CNBD1: variants seen among roughly 807,000 people sequenced by gnomAD.
CNBD1 encodes cyclic nucleotide binding domain containing 1, also known as cyclic nucleotide-binding domain-containing protein 1.
In CNBD1, 71 loss-of-function variants were observed where a neutral mutation model predicts 54.4. The ratio of observed to expected loss-of-function variants is 1.30; its 90% confidence interval spans 1.08 to 1.59. The LOEUF (loss-of-function observed/expected upper bound fraction) is 1.59. Among genes scored for constraint, CNBD1 ranks in the 40% most tolerant of loss-of-function variants. CNBD1 has a pLI of 0.00. For missense variants in CNBD1, 659 were observed against 518.0 expected (o/e 1.27, Z -2.64); for synonymous variants, 182 against 170.7 (o/e 1.07, Z -0.51).
intron 4 of CNBD1, among the ~76,000 whole-genome samples, chr8:87,020,596 T>C (rs1465647530): frequency 6.6e-6 from 1 of 152,140 alleles, no homozygotes; most frequent in Non-Finnish European, 1.5e-5. Flanking sequence ...TAAATTCTCA[T>C]CAGATGGGTT....
At chr8:87,332,831 G>T (rs1362277859) in intron 8 of CNBD1, among the ~76,000 whole-genome samples, 1 of 152,076 alleles carries the variant, frequency 6.6e-6, no homozygotes, top group African/African-American at 2.4e-5. Context: ...TGTTCTTTTT[G>T]CTTAGGATTG....
intron 3 of CNBD1, among the ~76,000 whole-genome samples, chr8:86,923,914 G>A (rs1809316951): frequency 6.6e-6 from 1 of 152,156 alleles, no homozygotes; most frequent in African/African-American, 2.4e-5. Context: ...CCATGGGACT[G>A]TATCAAGACC....
At position 86,949,947 on chromosome 8, in the gene CNBD1, C is replaced by CTT. The variant is rs770744308; in HGVS notation, c.431+10219_431+10220dup. Reference sequence around the variant, plus strand: ...AAGAGATGTTATACTTCATCAAATGCTTTTTTTTTTTTTTTTTTTTTTTTT... The same window carrying CTT: ...AAGAGATGTTATACTTCATCAAATGCTTTTTTTTTTTTTTTTTTTTTTTTTTT... On this transcript the variant is annotated intron_variant, in intron 4 of 10. Coordinates refer to ENST00000518476, the MANE Select transcript of CNBD1 (RefSeq NM_173538.3). Among the ~76,000 whole-genome samples the CTT allele has an allele frequency of 1.5e-3, 24 of 15,702 alleles. 10 individuals carry two copies. The highest frequency in any genetic ancestry group is 5.5e-3 in the East Asian group (2 of 362). 10.3% of individuals were successfully genotyped at this position (15,702 alleles called of 152,430 possible).
chr8:87,363,256 T>G (rs1344779054), intron 10 of CNBD1, among the ~76,000 whole-genome samples: 1 of 151,784 alleles, frequency 6.6e-6, no homozygotes, highest in African/African-American at 2.4e-5. Flanking sequence ...GTCTATCAAT[T>G]GGGTTGGTTC....
intron 6 of CNBD1, among the ~76,000 whole-genome samples, chr8:87,241,515 A>G (rs572380520): frequency 1.4e-3 from 213 of 151,750 alleles, no homozygotes; most frequent in Non-Finnish European, 2.5e-3. Flanking sequence ...CTCGTGATCC[A>G]CCCGCCTCGG....
intron 10 of CNBD1, among the ~76,000 whole-genome samples, chr8:87,356,573 T>G (rs75451450): frequency 0.024 from 3,678 of 152,082 alleles, 152 homozygotes; most frequent in African/African-American, 0.081. Context: ...CATTCAAGAA[T>G]TAGTGTGGGT....
intron 5 of CNBD1, among the ~76,000 whole-genome samples, chr8:87,234,529 A>G (rs989201855): frequency 1.3e-5 from 2 of 152,336 alleles, no homozygotes; most frequent in African/African-American, 2.4e-5. Context: ...TGCATTGTCA[A>G]TGAGCAGTAG....
chr8:87,358,883 TGAA>T (rs1470636382), intron 10 of CNBD1, among the ~76,000 whole-genome samples: 2 of 152,146 alleles, frequency 1.3e-5, no homozygotes, highest in South Asian at 2.1e-4. Flanking sequence ...CCATCTTAGC[TGAA>T]GAAGAGATAG....
At chr8:87,015,363 T>A (rs1323184246) in intron 4 of CNBD1, among the ~76,000 whole-genome samples, 1 of 151,984 alleles carries the variant, frequency 6.6e-6, no homozygotes. Flanking sequence ...TTTTTTGTAT[T>A]TTTAGTAGAG....
At chr8:87,026,907 A>T (rs1390724743) in intron 4 of CNBD1, among the ~76,000 whole-genome samples, 1 of 152,238 alleles carries the variant, frequency 6.6e-6, no homozygotes, top group African/African-American at 2.4e-5. Context: ...CCAAACCTTG[A>T]CACCTCAAAA....
chr8:87,096,833 C>T (rs1284124445), intron 4 of CNBD1, among the ~76,000 whole-genome samples: 3 of 151,606 alleles, frequency 2.0e-5, no homozygotes, highest in Non-Finnish European at 4.4e-5. Context: ...TTCCTCTCCA[C>T]ACCTTTAGCC....
intron 2 of CNBD1, among the ~76,000 whole-genome samples, chr8:87,389,187 G>C (rs926329007): frequency 3.9e-5 from 6 of 152,002 alleles, no homozygotes; most frequent in Non-Finnish European, 7.4e-5. Flanking sequence ...TTGAAAACTG[G>C]CACAAGACAG....
chr8:87,249,472 C>A (rs576808128), intron 6 of CNBD1, among the ~76,000 whole-genome samples: 1 of 152,174 alleles, frequency 6.6e-6, no homozygotes, highest in South Asian at 2.1e-4. Flanking sequence ...TGTTTTTACC[C>A]CTTTATCTGT....
chr8:87,255,541 TATATAA>T (rs1389081771), intron 6 of CNBD1, among the ~76,000 whole-genome samples: 6 of 152,090 alleles, frequency 3.9e-5, no homozygotes, highest in Non-Finnish European at 5.9e-5. Context: ...TTGAAAAATC[TATATAA>T]ATATAATCAG....
At chr8:87,019,982 G>C (rs1397865427) in intron 4 of CNBD1, among the ~76,000 whole-genome samples, 1 of 152,098 alleles carries the variant, frequency 6.6e-6, no homozygotes, top group Non-Finnish European at 1.5e-5. Context: ...ATAAGGAAGG[G>C]AAACACATTG....
intron 6 of CNBD1, among the ~76,000 whole-genome samples, chr8:87,266,359 G>A (rs1344033641): frequency 1.4e-5 from 2 of 147,886 alleles, no homozygotes; most frequent in Admixed American, 6.8e-5. Context: ...ATTAATACTG[G>A]GCACTAGCGA....
intron 4 of CNBD1, among the ~76,000 whole-genome samples, chr8:87,169,124 G>T (rs1313486343): frequency 6.6e-6 from 1 of 152,012 alleles, no homozygotes; most frequent in African/African-American, 2.4e-5. Context: ...CATTTTAACT[G>T]GGGTGAGGTG....
At chr8:86,970,703 A>G (rs1808200303) in intron 4 of CNBD1, among the ~76,000 whole-genome samples, 2 of 152,332 alleles carry the variant, frequency 1.3e-5, no homozygotes, top group South Asian at 4.1e-4. Flanking sequence ...GAGAACATGC[A>G]GCATTTCATT....
intron 10 of CNBD1, among the ~76,000 whole-genome samples, chr8:87,379,512 A>T (rs1251821928): frequency 1.3e-5 from 2 of 152,032 alleles, no homozygotes; most frequent in Admixed American, 1.3e-4. Flanking sequence ...GTAAAAGAAC[A>T]GAATTTATAA....
Sources: allele counts gnomAD v4.1 joint callset (sites outside exome capture counted in the v4.1 genomes callset), GRCh38; gene constraint gnomAD v4.1.1; transcripts MANE v1.5; gene names NCBI Gene and HGNC (gene_info 2026-07-23, HGNC 2026-07-21).